PCDHA9: variants seen among roughly 807,000 people sequenced by gnomAD.
PCDHA9 encodes the protein protocadherin alpha-9.
A neutral mutation model predicts 62.0 loss-of-function variants in PCDHA9; 62 were observed. The observed-to-expected ratio is 1.00, with a 90% confidence interval of 0.81 to 1.23. The LOEUF is 1.23. PCDHA9 is among the 50% of genes most tolerant of loss of function. The probability of loss-of-function intolerance (pLI) is 0.00; values close to 1 mark genes in which losing one functional copy is unlikely to be tolerated. For missense variants in PCDHA9, 1,205 were observed against 1,249.8 expected (o/e 0.96, Z 0.54); for synonymous variants, 557 against 567.6 (o/e 0.98, Z 0.27).
intron 1 of PCDHA9, chr5:140,877,748 G>C: frequency 6.2e-7 from 1 of 1,614,188 alleles, no homozygotes; most frequent in Non-Finnish European, 8.5e-7. Flanking sequence ...CAGAGGGTGT[G>C]CTCTGCAGAG....
chr5:140,885,925 T>A lies in PCDHA9; in HGVS notation c.2394+35036T>A, dbSNP rs1431219397. The stretch of plus-strand genomic sequence containing the variant: ...CTGTACCTTATAGATATTAACTGTT[T>A]ATCTATTTTTTGACATTTTTAATTA... On this transcript the variant is annotated intron_variant, in intron 1 of 3. Coordinates refer to ENST00000532602, the MANE Select transcript of PCDHA9 (RefSeq NM_031857.2). 2.0e-5 allele frequency among the ~76,000 whole-genome samples: 3 copies of A among 151,896 alleles called. No homozygotes were observed. In the East Asian group the frequency reaches 5.8e-4, roughly 29 times the overall value.
At chr5:140,987,269 G>A (rs1442679377) in intron 3 of PCDHA9, among the ~76,000 whole-genome samples, 8 of 151,806 alleles carry the variant, frequency 5.3e-5, no homozygotes, top group African/African-American at 9.7e-5. Flanking sequence ...AATGGGACCC[G>A]GCAGTCTATG....
intron 3 of PCDHA9, among the ~76,000 whole-genome samples, chr5:140,997,463 C>A (rs2097770932): frequency 6.6e-6 from 1 of 152,198 alleles, no homozygotes; most frequent in Admixed American, 6.5e-5. Context: ...ATACTGTAGG[C>A]AATTTTTACA....
chr5:140,853,370 G>T lies in PCDHA9; in HGVS notation c.2394+2481G>T, dbSNP rs1365315114. On this transcript the variant is annotated intron_variant, in intron 1 of 3. Coordinates refer to ENST00000532602, the MANE Select transcript of PCDHA9 (RefSeq NM_031857.2). ...CATGAACTCACAGGGATCCAGAGAT[G>T]GTAAAATTCAAAACAGCCTGTCAAG... 3 of 983,178 alleles carry T rather than the reference G, an allele frequency of 3.1e-6. 1 individual carries two copies. The highest frequency in any genetic ancestry group is 3.7e-6 in the Non-Finnish European group (3 of 815,894). The allele number at this position is 983,178 out of a possible 1,614,324, so 60.9% of individuals were successfully genotyped here. A position where few individuals can be genotyped will look rare whatever the true frequency, so the allele number is the denominator to read the frequency against.
At chr5:140,883,507 G>A (rs782325165) in intron 1 of PCDHA9, 2 of 1,614,200 alleles carry the variant, frequency 1.2e-6, no homozygotes, top group Admixed American at 1.7e-5. Context: ...ACAGCGCCCT[G>A]GACCGCGAGA....
At chr5:140,966,731 G>C (rs2096045524) in intron 1 of PCDHA9, 3 of 1,405,020 alleles carry the variant, frequency 2.1e-6, no homozygotes, top group Non-Finnish European at 2.8e-6. Flanking sequence ...TGCCGCCTCC[G>C]GCCCTGCCCG....
At chr5:140,863,381 G>T in intron 1 of PCDHA9, 1 of 1,058,634 alleles carries the variant, frequency 9.4e-7, no homozygotes, top group Non-Finnish European at 1.4e-6. Flanking sequence ...CTCACCGAGA[G>T]CTCGTGCATG....
chr5:140,970,286 C>A (rs2096395973), intron 1 of PCDHA9, among the ~76,000 whole-genome samples: 2 of 152,174 alleles, frequency 1.3e-5, no homozygotes, highest in Admixed American at 6.5e-5. Context: ...GTAGCCTTTT[C>A]AAGTCCTTCA....
intron 1 of PCDHA9, chr5:140,926,929 G>A (rs1554203825): frequency 6.3e-7 from 1 of 1,575,722 alleles, no homozygotes; most frequent in South Asian, 1.2e-5. Flanking sequence ...ATGTTTGTGG[G>A]TTTCCTGCGG....
intron 1 of PCDHA9, chr5:140,926,540 T>G: frequency 4.6e-6 from 1 of 215,362 alleles, no homozygotes; most frequent in Non-Finnish European, 9.1e-6. Context: ...GCCAGCGTGG[T>G]GGTCGAGACC....
At chr5:140,925,257 C>A (rs1336613869) in intron 1 of PCDHA9, among the ~76,000 whole-genome samples, 2 of 152,110 alleles carry the variant, frequency 1.3e-5, no homozygotes, top group East Asian at 3.8e-4. Context: ...AACTTTAATT[C>A]TTGATCTGTG....
chr5:140,906,545 T>C (rs1477554651), intron 1 of PCDHA9, among the ~76,000 whole-genome samples: 2 of 152,256 alleles, frequency 1.3e-5, no homozygotes, highest in Admixed American at 6.5e-5. Context: ...TCCTCATTTC[T>C]GCAACTGGTT....
At chr5:140,868,946 G>A in intron 1 of PCDHA9, 1 of 1,292,214 alleles carries the variant, frequency 7.7e-7, no homozygotes, top group Middle Eastern at 2.5e-4. Flanking sequence ...TCTGAACAGT[G>A]AGGCACTCCC....
intron 2 of PCDHA9, 148 bp from the exon 3 acceptor site, chr5:140,982,327 C>A: frequency 7.0e-7 from 1 of 1,419,146 alleles, no homozygotes; most frequent in South Asian, 1.4e-5. Context: ...AGGGTGACTG[C>A]TCAGCAGTAA....
intron 1 of PCDHA9, among the ~76,000 whole-genome samples, chr5:140,941,304 C>T (rs1477431460): frequency 4.7e-5 from 4 of 84,830 alleles, no homozygotes; most frequent in African/African-American, 8.5e-5. Flanking sequence ...TTCTTTCTTT[C>T]TTTTTCTTCT....
intron 1 of PCDHA9, among the ~76,000 whole-genome samples, chr5:140,908,378 C>T (rs951348145): frequency 2.6e-5 from 4 of 152,126 alleles, no homozygotes; most frequent in Admixed American, 6.6e-5. Context: ...AGGACCTGCT[C>T]GAGCCCGATC....
intron 1 of PCDHA9, among the ~76,000 whole-genome samples, chr5:140,954,810 A>C (rs1169811573): frequency 6.6e-6 from 1 of 151,948 alleles, no homozygotes; most frequent in Non-Finnish European, 1.5e-5. Context: ...CTTTTGTTGA[A>C]ATTGCTTTAG....
intron 1 of PCDHA9, chr5:140,927,432 C>T: frequency 5.6e-6 from 9 of 1,614,124 alleles, no homozygotes; most frequent in Non-Finnish European, 5.9e-6. Flanking sequence ...TTGACGGCAG[C>T]GAATACCCGG....
At chr5:140,945,440 T>C (rs932464631) in intron 1 of PCDHA9, among the ~76,000 whole-genome samples, 1 of 151,948 alleles carries the variant, frequency 6.6e-6, no homozygotes, top group African/African-American at 2.4e-5. Context: ...TACAGAAATA[T>C]AAAAAACTTC....
Sources: allele counts gnomAD v4.1 joint callset (sites outside exome capture counted in the v4.1 genomes callset), GRCh38; gene constraint gnomAD v4.1.1; transcripts MANE v1.5; gene names NCBI Gene and HGNC (gene_info 2026-07-23, HGNC 2026-07-21).